BFSP2: variants seen among roughly 807,000 people sequenced by gnomAD.
BFSP2 encodes the protein phakinin.
A neutral mutation model predicts 44.9 loss-of-function variants in BFSP2; 38 were observed. That is an observed-to-expected ratio of 0.85 (90% CI 0.65 to 1.11). The LOEUF is 1.11. Among genes scored for constraint, BFSP2 ranks in the 50% least tolerant of loss-of-function variants. The probability of loss-of-function intolerance (pLI) is 0.00; values close to 1 mark genes in which losing one functional copy is unlikely to be tolerated. For missense variants in BFSP2, 525 were observed against 533.0 expected, an observed-to-expected ratio of 0.99 and a Z score of 0.15; for synonymous variants, 197 against 209.9, an observed-to-expected ratio of 0.94 and a Z score of 0.53.
intron 1 of BFSP2, 71 bp from the exon 2 acceptor site, chr3:133,447,246 C>G (rs1049584805): frequency 6.5e-7 from 1 of 1,534,844 alleles, no homozygotes; most frequent in African/African-American, 1.4e-5. Flanking sequence ...GTGCCTAACA[C>G]AAGTCATGGT....
At chr3:133,447,995 C>A (rs772796063) in intron 2 of BFSP2, among the ~76,000 whole-genome samples, 11 of 152,220 alleles carry the variant, frequency 7.2e-5, no homozygotes, top group Non-Finnish European at 1.5e-4. Context: ...TCAGCTACAC[C>A]TCCCACTCAG....
At chr3:133,411,073 T>C (rs909581226) in intron 1 of BFSP2, among the ~76,000 whole-genome samples, 3 of 151,176 alleles carry the variant, frequency 2.0e-5, no homozygotes, top group African/African-American at 4.9e-5. Flanking sequence ...AATATTAAAG[T>C]AAGTCAGTTA....
At chr3:133,433,792 A>G (rs1354489560) in intron 1 of BFSP2, among the ~76,000 whole-genome samples, 3 of 152,232 alleles carry the variant, frequency 2.0e-5, no homozygotes, top group African/African-American at 7.2e-5. Flanking sequence ...AAGCTCAGCC[A>G]GCAACTTAAA....
chr3:133,453,527 T>C (rs925387167), intron 4 of BFSP2, among the ~76,000 whole-genome samples: 1 of 152,208 alleles, frequency 6.6e-6, no homozygotes, highest in African/African-American at 2.4e-5. Flanking sequence ...CAACAAAGAA[T>C]GCCTAATCAA....
intron 1 of BFSP2, among the ~76,000 whole-genome samples, chr3:133,413,645 A>T (rs766938098): frequency 3.3e-5 from 5 of 151,736 alleles, no homozygotes; most frequent in Non-Finnish European, 5.9e-5. Flanking sequence ...GCACATAAAG[A>T]CTCATTGATC....
intron 1 of BFSP2, among the ~76,000 whole-genome samples, chr3:133,445,994 G>T (rs200616103): frequency 1.3e-5 from 2 of 152,280 alleles, no homozygotes; most frequent in East Asian, 3.9e-4. Context: ...CAACCAGAAG[G>T]AGAACTCCAG....
chr3:133,404,715 C>T (rs892488523), intron 1 of BFSP2: 9 of 152,286 alleles, frequency 5.9e-5, no homozygotes, highest in Non-Finnish European at 7.4e-5. Flanking sequence ...TAACTTAAAT[C>T]GCACTTTGTT....
chr3:133,414,717 A>C (rs75619310), intron 1 of BFSP2, among the ~76,000 whole-genome samples: 68 of 9,350 alleles, frequency 7.3e-3, no homozygotes, highest in South Asian at 9.3e-3. Context: ...CCACTGCCCT[A>C]TCCCCTCTAC....
chr3:133,461,592 T>G (rs1490963812), intron 4 of BFSP2, among the ~76,000 whole-genome samples: 2 of 152,160 alleles, frequency 1.3e-5, no homozygotes, highest in Non-Finnish European at 2.9e-5. Context: ...AGGGTTGAAA[T>G]GGAAACAGAA....
intron 4 of BFSP2, among the ~76,000 whole-genome samples, chr3:133,460,630 GCTAAAAGTTATGCCAGA>G (rs998205430): frequency 2.0e-5 from 3 of 152,126 alleles, no homozygotes; most frequent in Non-Finnish European, 2.9e-5. Context: ...TCCCCGGGGG[GCTAAAAGTTATGCCAGA>G]CTTCTGTTGG....
intron 1 of BFSP2, among the ~76,000 whole-genome samples, chr3:133,442,862 CTT>C (rs370003234): frequency 7.4e-5 from 10 of 135,964 alleles, no homozygotes; most frequent in East Asian, 2.1e-4. Context: ...TCTAGATTTT[CTT>C]TTTTTTTTTT....
At chr3:133,436,876 A>G (rs545065783) in intron 1 of BFSP2, among the ~76,000 whole-genome samples, 6 of 152,160 alleles carry the variant, frequency 3.9e-5, no homozygotes, top group Admixed American at 6.5e-5. Flanking sequence ...TGTCCTTGCA[A>G]TAGTTTGCTG....
chr3:133,418,579 T>A (rs34468179), intron 1 of BFSP2, among the ~76,000 whole-genome samples: 22,053 of 152,044 alleles, frequency 0.15, 1,757 homozygotes, highest in African/African-American at 0.2. Flanking sequence ...GCCCCTGAAT[T>A]CCTGGGTGCA....
chr3:133,417,831 TC>T (rs2073556236), intron 1 of BFSP2, among the ~76,000 whole-genome samples: 15 of 80,146 alleles, frequency 1.9e-4, no homozygotes, highest in South Asian at 9.2e-4. Flanking sequence ...TGCCCTCTCC[TC>T]TCTACTCACC....
intron 4 of BFSP2, among the ~76,000 whole-genome samples, chr3:133,460,122 G>A (rs2074048655): frequency 6.6e-6 from 1 of 152,174 alleles, no homozygotes; most frequent in South Asian, 2.1e-4. Context: ...TACAAGGCAG[G>A]ATGAAATTTT....
At chr3:133,454,162 CTT>C (rs909735464) in intron 4 of BFSP2, among the ~76,000 whole-genome samples, 1 of 151,598 alleles carries the variant, frequency 6.6e-6, no homozygotes, top group Non-Finnish European at 1.5e-5. Flanking sequence ...AACAAAACAA[CTT>C]TTTTTTTAAG....
At chr3:133,425,704 T>C (rs1233782248) in intron 1 of BFSP2, among the ~76,000 whole-genome samples, 2 of 150,300 alleles carry the variant, frequency 1.3e-5, no homozygotes. Flanking sequence ...GCTATTCTCC[T>C]CACTCCCACT....
At chr3:133,472,235 G>A (rs2074168860) in intron 5 of BFSP2, 110 bp from the exon 6 acceptor site, 2 of 1,238,062 alleles carry the variant, frequency 1.6e-6, no homozygotes, top group Non-Finnish European at 2.3e-6. Flanking sequence ...TCCCTGCCAC[G>A]AGGGGAATAG....
At chr3:133,403,365 C>A (rs540982004) in intron 1 of BFSP2, among the ~76,000 whole-genome samples, 1 of 152,184 alleles carries the variant, frequency 6.6e-6, no homozygotes. Flanking sequence ...TCTTCCCCCC[C>A]TTGTCCACAG....
Sources: gnomAD v4.1 joint callset for allele counts (sites outside exome capture counted in the v4.1 genomes callset) on GRCh38, gnomAD v4.1.1 for gene constraint, MANE v1.5 for transcripts, NCBI Gene and HGNC (gene_info 2026-07-23, HGNC 2026-07-21) for gene names.